ABL1: variants seen among roughly 807,000 people sequenced by gnomAD.
ABL1 encodes the protein tyrosine-protein kinase ABL1.
A neutral mutation model predicts 94.7 loss-of-function variants in ABL1; 11 were observed. The ratio of observed to expected loss-of-function variants is 0.12; its 90% CI spans 0.07 to 0.19. ABL1 has a LOEUF of 0.19. ABL1 is among the 10% of genes least tolerant of loss of function. ABL1 has a pLI of 1.00. For missense variants in ABL1, 1,082 were observed against 1,489.4 expected, an observed-to-expected ratio of 0.73 and a Z score of 4.50; for synonymous variants, 656 against 622.4, an observed-to-expected ratio of 1.05 and a Z score of -0.80.
chr9:130,872,116 T>C lies in ABL1; in HGVS notation c.823-13T>C. 1 of 1,613,648 alleles carries C rather than the reference T, an allele frequency of 6.2e-7. No homozygotes were observed. The highest frequency in any genetic ancestry group is 1.1e-5 in the South Asian group (1 of 91,022). On this transcript the variant is annotated splice_polypyrimidine_tract_variant and intron_variant, in intron 4 of 10. Transcript: ENST00000318560. The surrounding 1 kb of genome is among the most constrained non-coding windows in gnomAD (Gnocchi z 5.0). ...CCTGAAATAATTTCACCTTCGTTTT[T>C]TTCCTTCTGCAGGAGGACACCATGG...
chr9:130,870,598 C>A (rs913634892), intron 4 of ABL1, among the ~76,000 whole-genome samples: 1 of 152,138 alleles, frequency 6.6e-6, no homozygotes, highest in Non-Finnish European at 1.5e-5. Flanking sequence ...CAGAGCACTC[C>A]ATGCCAAAAA....
At chr9:130,727,392 T>C (rs974640228) in intron 1 of ABL1, among the ~76,000 whole-genome samples, 2 of 152,110 alleles carry the variant, frequency 1.3e-5, no homozygotes. Context: ...ACTGAGAGAG[T>C]GATGCTGAAG....
chr9:130,713,923 A>G (rs978130939), exon 1 of ABL1: 3 of 234,590 alleles, frequency 1.3e-5, no homozygotes, highest in Non-Finnish European at 2.5e-5. Flanking sequence ...GAGTAGCCAA[A>G]GACCATCAGC....
Position 130,716,050 on chromosome 9 carries a change from C to A in ABL1, c.136+1595C>A, listed in dbSNP as rs941383763. On this transcript the variant is annotated intron_variant, in intron 1 of 10. Transcript: ENST00000372348. ...TACACACACACACACACATATATAT[C>A]CACTTTTCACTGAAAAATGTCCTTT... Among the ~76,000 whole-genome samples, 7 of 146,678 alleles carry A rather than the reference C, an allele frequency of 4.8e-5. No homozygotes were observed. In the South Asian group the frequency reaches 6.6e-4, roughly 14 times the overall value.
At chr9:130,846,097 GTGTGTGTGTGTGCT>G (rs1291635414) in intron 1 of ABL1, among the ~76,000 whole-genome samples, 19 of 146,298 alleles carry the variant, frequency 1.3e-4, no homozygotes, top group South Asian at 4.3e-4. Flanking sequence ...GTGTGTGTGT[GTGTGTGTGTGTGCT>G]TGTGTGTGTG....
chr9:130,825,898 T>C (rs1830419094), intron 1 of ABL1, among the ~76,000 whole-genome samples: 1 of 152,252 alleles, frequency 6.6e-6, no homozygotes, highest in Admixed American at 6.5e-5. Flanking sequence ...TCAGCGAAAT[T>C]AAGATTTAAA....
chr9:130,829,884 C>G (rs1280308622), intron 1 of ABL1, among the ~76,000 whole-genome samples: 1 of 152,096 alleles, frequency 6.6e-6, no homozygotes, highest in Non-Finnish European at 1.5e-5. Flanking sequence ...TAGTATAATA[C>G]TGCTGTCATA....
intron 1 of ABL1, among the ~76,000 whole-genome samples, chr9:130,788,029 A>AG (rs1829854495): frequency 6.6e-6 from 1 of 152,166 alleles, no homozygotes; most frequent in African/African-American, 2.4e-5. Flanking sequence ...ATCTTAAGCA[A>AG]GGGGAGTAGA....
chr9:130,827,901 A>ATAAATAAG (rs1172150666), intron 1 of ABL1, among the ~76,000 whole-genome samples: 1 of 139,514 alleles, frequency 7.2e-6, no homozygotes, highest in African/African-American at 2.9e-5. Flanking sequence ...CTCAAAAATA[A>ATAAATAAG]TAAATAAATA....
intron 1 of ABL1, among the ~76,000 whole-genome samples, chr9:130,795,175 G>C (rs1829959019): frequency 6.6e-6 from 1 of 152,134 alleles, no homozygotes; most frequent in South Asian, 2.1e-4. Flanking sequence ...ACTGCTCCTT[G>C]CCTTGAGGTC....
intron 1 of ABL1, among the ~76,000 whole-genome samples, chr9:130,793,851 C>T (rs1207709911): frequency 6.6e-6 from 1 of 152,136 alleles, no homozygotes; most frequent in Non-Finnish European, 1.5e-5. Flanking sequence ...CCTGTCAGAT[C>T]AGTGGCGGCA....
At chr9:130,761,521 T>C (rs989781593) in intron 1 of ABL1, among the ~76,000 whole-genome samples, 1 of 152,164 alleles carries the variant, frequency 6.6e-6, no homozygotes, top group South Asian at 2.1e-4. Flanking sequence ...AAAACCCCTG[T>C]TTTAATCAAC....
chr9:130,810,501 A>AAAAGAAAG (rs764405557), intron 1 of ABL1, among the ~76,000 whole-genome samples: 3 of 150,018 alleles, frequency 2.0e-5, no homozygotes, highest in Non-Finnish European at 2.9e-5. Flanking sequence ...GTCTCCACAA[A>AAAAGAAAG]AAAGAAAGAT....
At chr9:130,791,874 T>C (rs1829912355) in intron 1 of ABL1, among the ~76,000 whole-genome samples, 1 of 152,180 alleles carries the variant, frequency 6.6e-6, no homozygotes, top group African/African-American at 2.4e-5. Flanking sequence ...TTCTCCCAAA[T>C]AAACTCCCTT....
Position 130,885,028 on chromosome 9 carries a change from A to T in ABL1, c.2738A>T (p.Lys913Met). The T allele has an allele frequency of 1.2e-6, 2 of 1,611,244 alleles. No homozygotes were observed. The highest frequency in any genetic ancestry group is 8.5e-7 in the Non-Finnish European group (1 of 1,179,252). Residue 913 changes from lysine to methionine, a missense_variant, in exon 11 of 11, where the codon AAG becomes ATG. Lys to Met is a moderately conservative substitution (Grantham distance 95, BLOSUM62 -1). Coordinates refer to ENST00000318560, the MANE Select transcript of ABL1 (RefSeq NM_005157.6). ...PAASAGKAGG[K>M]PSQSPSQEAA... ...GCCTCTGCAGGGAAGGCTGGAGGAA[A>T]GCCCTCGCAGAGCCCGAGCCAGGAG...
rs555511268 is a variant in ABL1, at chr9:130,860,265, G to A, written c.550-2498G>A. On this transcript the variant is annotated intron_variant, in intron 3 of 10. Coordinates refer to ENST00000318560, the MANE Select transcript of ABL1 (RefSeq NM_005157.6). ...GAAGATGGCTGTGAACCAAATATGCGGTGCCTTTGGGGGAGAATGGTTTTA... is the reference window on the plus strand; with the variant it reads ...GAAGATGGCTGTGAACCAAATATGCAGTGCCTTTGGGGGAGAATGGTTTTA... 2.0e-4 allele frequency among the ~76,000 whole-genome samples: 30 copies of A among 152,236 alleles called. No homozygotes were observed. In the South Asian group the frequency reaches 5.6e-3, roughly 28 times the overall value.
chr9:130,748,350 T>C (rs1831913011), intron 1 of ABL1, among the ~76,000 whole-genome samples: 1 of 152,212 alleles, frequency 6.6e-6, no homozygotes, highest in Non-Finnish European at 1.5e-5. Flanking sequence ...TAAATTTCTT[T>C]ATAAAATTTG....
intron 1 of ABL1, among the ~76,000 whole-genome samples, chr9:130,770,621 G>T (rs1162159756): frequency 5.3e-5 from 8 of 152,256 alleles, no homozygotes; most frequent in African/African-American, 1.9e-4. Flanking sequence ...TTAATTACTT[G>T]GCACATATAG....
chr9:130,844,450 A>G (rs1830727562), intron 1 of ABL1, among the ~76,000 whole-genome samples: 1 of 152,002 alleles, frequency 6.6e-6, no homozygotes, highest in African/African-American at 2.4e-5. Flanking sequence ...ATTTCCAGTA[A>G]TTGGAGACTT....
Sources: allele counts gnomAD v4.1 joint callset (sites outside exome capture counted in the v4.1 genomes callset), GRCh38; gene constraint gnomAD v4.1.1; non-coding constraint Gnocchi (gnomAD v3.1); transcripts MANE v1.5; gene names NCBI Gene and HGNC (gene_info 2026-07-23, HGNC 2026-07-21).